Variants in HPS3 observed in about 807,000 individuals in gnomAD.
The protein encoded by HPS3 is HPS3 biogenesis of lysosomal organelles complex 2 subunit 1, also known as BLOC-2 complex member HPS3.
A neutral mutation model predicts 110.9 loss-of-function variants in HPS3; 79 were observed. The ratio of observed to expected loss-of-function variants is 0.71; its 90% confidence interval spans 0.59 to 0.86. The LOEUF (loss-of-function observed/expected upper bound fraction) is 0.86. Among genes scored for constraint, HPS3 ranks in the 40% least tolerant of loss-of-function variants. The pLI is 0.00. For missense variants in HPS3, 1,197 were observed against 1,206.2 expected (o/e 0.99, Z 0.11); for synonymous variants, 428 against 451.0 (o/e 0.95, Z 0.65).
rs527875437 is a variant in HPS3, at chr3:149,138,054, A to G, written c.218-1950A>G. ...AGATGGAGGCCTCAACTTCATCCCA[A>G]CTCTGTCCAAACTGCTTCCCTGGAA... On this transcript the variant is annotated intron_variant, in intron 1 of 16. Transcript: ENST00000296051. Among the ~76,000 whole-genome samples, 8 of 152,230 alleles carry G rather than the reference A, an allele frequency of 5.3e-5. No homozygotes were observed. In the South Asian group the frequency reaches 1.5e-3, roughly 28 times the overall value.
At chr3:149,130,773 A>T (rs936317888) in intron 1 of HPS3, among the ~76,000 whole-genome samples, 2 of 152,214 alleles carry the variant, frequency 1.3e-5, no homozygotes, top group African/African-American at 4.8e-5. Flanking sequence ...CAAAACAAAC[A>T]AAAACAAACA....
rs1176272648 is a variant in HPS3, at chr3:149,157,400, CCTT to C, written c.1563_1565del (p.Leu522del). ...CTGTCAAAACCCAGAGCTGCATTCA[CCTT>C]CTCAGTGAGGCTCATCTGTTAGTGC... On this transcript the variant is annotated inframe_deletion, in exon 9 of 17. Coordinates refer to ENST00000296051, the MANE Select transcript of HPS3 (RefSeq NM_032383.5). 6.2e-7 allele frequency: 1 copy of C among 1,613,900 alleles called. No homozygotes were observed. Among genetic ancestry groups the C allele is most frequent in the Admixed American group, 1.7e-5 (1 of 59,952 alleles).
chr3:149,131,614 C>A (rs752001019), intron 1 of HPS3, among the ~76,000 whole-genome samples: 53 of 152,298 alleles, frequency 3.5e-4, no homozygotes, highest in Non-Finnish European at 6.8e-4. Context: ...CCTGCTCAGG[C>A]TGCCCTAGGC....
Position 149,167,207 on chromosome 3 carries a change from A to G in HPS3, c.2763A>G (p.Pro921=), listed in dbSNP as rs1339644896. 2 of 1,613,670 alleles carry G rather than the reference A, an allele frequency of 1.2e-6. No homozygotes were observed. The highest frequency in any genetic ancestry group is 1.7e-5 in the Admixed American group (1 of 59,940). ...AGAGATGCCCGGAGGCAGTCATTCC[A>G]TATGCTAATCATGAACTGAAAGAAG... ...LLERCPEAVI[P]YANHELKEEN... is the part of the protein sequence containing the mutation. Residue 921 remains proline, a synonymous_variant, in exon 15 of 17, where the codon CCA becomes CCG. Transcript: ENST00000296051.
intron 5 of HPS3, among the ~76,000 whole-genome samples, chr3:149,145,788 A>G (rs1311278794): frequency 6.6e-6 from 1 of 152,182 alleles, no homozygotes; most frequent in Non-Finnish European, 1.5e-5. Context: ...AGGAAGTATA[A>G]GGTTCTTCAT....
At chr3:149,143,486 G>T (rs557289482) in intron 4 of HPS3, among the ~76,000 whole-genome samples, 9 of 152,156 alleles carry the variant, frequency 5.9e-5, no homozygotes, top group Non-Finnish European at 1.2e-4. Context: ...CCCATCACTA[G>T]AATGAAGGCT....
At chr3:149,145,717 A>C (rs1278976691) in intron 5 of HPS3, among the ~76,000 whole-genome samples, 171 bp downstream of exon 5, 1 of 152,164 alleles carries the variant, frequency 6.6e-6, no homozygotes, top group African/African-American at 2.4e-5. Context: ...TTTCAATGTC[A>C]AAGATTTAGA....
intron 6 of HPS3, among the ~76,000 whole-genome samples, chr3:149,152,008 C>T (rs1723160223): frequency 6.6e-6 from 1 of 152,172 alleles, no homozygotes; most frequent in South Asian, 2.1e-4. Flanking sequence ...AGCATGGTCT[C>T]TGAGTTCCTA....
chr3:149,138,492 G>T (rs1722255282), intron 1 of HPS3, among the ~76,000 whole-genome samples: 1 of 152,078 alleles, frequency 6.6e-6, no homozygotes, highest in Non-Finnish European at 1.5e-5. Flanking sequence ...TAAAATAGAA[G>T]AAAATATAGG....
chr3:149,164,865 T>C (rs1045759641), intron 14 of HPS3, among the ~76,000 whole-genome samples: 1 of 152,180 alleles, frequency 6.6e-6, no homozygotes, highest in Admixed American at 6.5e-5. Context: ...TGCATCTTCA[T>C]CATTTGATTG....
intron 4 of HPS3, among the ~76,000 whole-genome samples, chr3:149,142,411 C>T (rs908286859): frequency 6.6e-6 from 1 of 152,092 alleles, no homozygotes; most frequent in South Asian, 2.1e-4. Context: ...TGTTTTCAAC[C>T]CTGCCACACA....
intron 6 of HPS3, among the ~76,000 whole-genome samples, chr3:149,151,982 A>G (rs145046272): frequency 5.9e-5 from 9 of 152,196 alleles, no homozygotes; most frequent in African/African-American, 1.9e-4. Context: ...GTGTCATATG[A>G]TAGTGTTTTA....
At chr3:149,148,332 T>C (rs1024117820) in intron 5 of HPS3, among the ~76,000 whole-genome samples, 5 of 151,466 alleles carry the variant, frequency 3.3e-5, no homozygotes, top group African/African-American at 1.2e-4. Context: ...ATGCCAACTT[T>C]ATAGAAACGT....
Position 149,173,523 on chromosome 3 carries a change from T to A in HPS3, c.*1301T>A, listed in dbSNP as rs1725192593. 3 of 479,540 alleles carry A rather than the reference T, an allele frequency of 6.3e-6. No individual in the cohort carries two copies. Among genetic ancestry groups the A allele is most frequent in the African/African-American group, 2.0e-5 (1 of 50,382 alleles). 29.7% of individuals were successfully genotyped at this position (479,540 alleles called of 1,614,324 possible). ...TACAAGTGTCAGTCATGTATCATTA[T>A]ATAGTCTGTTGATCTTTCCATTTGC... On this transcript the variant is annotated 3_prime_UTR_variant, in exon 17 of 17. Transcript: ENST00000296051.
chr3:149,162,476 C>A, intron 12 of HPS3, 143 bp downstream of exon 12: 1 of 891,970 alleles, frequency 1.1e-6, no homozygotes, highest in Non-Finnish European at 1.8e-6. Flanking sequence ...GATAAAAGTA[C>A]TAATTAAAAG....
chr3:149,170,853 G>A (rs529916210), intron 16 of HPS3, among the ~76,000 whole-genome samples: 1 of 152,298 alleles, frequency 6.6e-6, no homozygotes, highest in East Asian at 1.9e-4. Flanking sequence ...AAGACCAAGT[G>A]GATGTTTATT....
intron 1 of HPS3, among the ~76,000 whole-genome samples, chr3:149,133,458 G>A (rs755678647): frequency 2.0e-5 from 3 of 151,908 alleles, no homozygotes; most frequent in African/African-American, 4.8e-5. Context: ...GCTACCACTT[G>A]TGGCGAATTT....
chr3:149,140,546 C>A (rs1406145736), intron 2 of HPS3, 48 bp downstream of exon 2: 17 of 1,605,848 alleles, frequency 1.1e-5, no homozygotes, highest in African/African-American at 2.7e-5. Context: ...ATATAGAAAA[C>A]CTTCACCTTT....
intron 5 of HPS3, 39 bp downstream of exon 5, chr3:149,145,585 T>G (rs751825965): frequency 6.5e-7 from 1 of 1,537,942 alleles, no homozygotes; most frequent in South Asian, 1.1e-5. Flanking sequence ...GTGAGTCACT[T>G]ATTTGTAAAT....
Sources: gnomAD v4.1 joint callset for allele counts (sites outside exome capture counted in the v4.1 genomes callset) on GRCh38, gnomAD v4.1.1 for gene constraint, MANE v1.5 for transcripts, NCBI Gene and HGNC (gene_info 2026-07-23, HGNC 2026-07-21) for gene names.